Variants in CHSY1 observed in about 807,000 individuals in gnomAD.
CHSY1 encodes the protein chondroitin sulfate synthase 1, also known as N-acetylgalactosaminyl-proteoglycan 3-beta-glucuronosyltransferase 1.
A neutral mutation model predicts 59.8 loss-of-function variants in CHSY1; 13 were observed. The ratio of observed to expected loss-of-function variants is 0.22; its 90% CI spans 0.14 to 0.35. CHSY1 has a LOEUF of 0.35. Among genes scored for constraint, CHSY1 ranks in the 10% least tolerant of loss-of-function variants. The pLI, the probability that CHSY1 is intolerant of heterozygous loss-of-function variation, is 1.00. For missense variants in CHSY1, 947 were observed against 1,030.6 expected (o/e 0.92, Z 1.11); for synonymous variants, 459 against 401.2 (o/e 1.14, Z -1.72).
intron 1 of CHSY1, among the ~76,000 whole-genome samples, chr15:101,242,852 T>G (rs997224919): frequency 7.9e-5 from 12 of 152,340 alleles, no homozygotes; most frequent in African/African-American, 2.4e-4. Flanking sequence ...GTTTCCTCTT[T>G]CAAAACCTTT....
chr15:101,192,078 A>AT (rs2038452577), intron 2 of CHSY1, among the ~76,000 whole-genome samples: 1 of 152,216 alleles, frequency 6.6e-6, no homozygotes, highest in Non-Finnish European at 1.5e-5. Flanking sequence ...GAAGAGAGAA[A>AT]TATTTTTAAG....
At chr15:101,201,800 G>T (rs539426958) in intron 2 of CHSY1, among the ~76,000 whole-genome samples, 1 of 152,314 alleles carries the variant, frequency 6.6e-6, no homozygotes, top group African/African-American at 2.4e-5. Flanking sequence ...CAGATGGAAA[G>T]GAAGGCTGTT....
intron 2 of CHSY1, among the ~76,000 whole-genome samples, chr15:101,183,934 G>T (rs762781963): frequency 1.3e-5 from 2 of 152,192 alleles, no homozygotes; most frequent in African/African-American, 2.4e-5. Context: ...CTCTGGCCAG[G>T]ATGTGTTTTA....
At chr15:101,250,347 G>A (rs185111381) in intron 1 of CHSY1, among the ~76,000 whole-genome samples, 2 of 152,308 alleles carry the variant, frequency 1.3e-5, no homozygotes, top group Non-Finnish European at 2.9e-5. Context: ...ATACAAATCT[G>A]ATTCTAACCA....
chr15:101,194,357 C>T (rs933403331), intron 2 of CHSY1, among the ~76,000 whole-genome samples: 2 of 152,254 alleles, frequency 1.3e-5, no homozygotes, highest in Non-Finnish European at 2.9e-5. Context: ...CATGTGTACG[C>T]ACACATTTTA....
chr15:101,200,157 A>G (rs1033678208), intron 2 of CHSY1, among the ~76,000 whole-genome samples: 2 of 152,244 alleles, frequency 1.3e-5, no homozygotes, highest in Admixed American at 6.5e-5. Context: ...TTCTAGGTTG[A>G]ATAAGACGAA....
At chr15:101,196,174 G>A (rs1162968045) in intron 2 of CHSY1, among the ~76,000 whole-genome samples, 1 of 149,450 alleles carries the variant, frequency 6.7e-6, no homozygotes, top group African/African-American at 2.5e-5. Context: ...GAGACAGAGT[G>A]AGCCAAGATC....
intron 2 of CHSY1, among the ~76,000 whole-genome samples, chr15:101,201,376 AC>A (rs2038572740): frequency 6.6e-6 from 1 of 152,202 alleles, no homozygotes; most frequent in Admixed American, 6.5e-5. Flanking sequence ...GGCAGGAGGA[AC>A]CACCAAACGT....
At chr15:101,215,294 G>C (rs994262739) in intron 2 of CHSY1, among the ~76,000 whole-genome samples, 15 of 152,188 alleles carry the variant, frequency 9.9e-5, no homozygotes, top group Non-Finnish European at 1.8e-4. Context: ...AGGTTTTCCA[G>C]GGTATACTAT....
At chr15:101,248,537 T>C (rs1204334810) in intron 1 of CHSY1, among the ~76,000 whole-genome samples, 2 of 152,206 alleles carry the variant, frequency 1.3e-5, no homozygotes, top group African/African-American at 4.8e-5. Flanking sequence ...GGTAGGCGTT[T>C]TCCTTTCTCA....
chr15:101,221,485 CCT>C (rs2038788676), intron 2 of CHSY1, among the ~76,000 whole-genome samples: 1 of 151,982 alleles, frequency 6.6e-6, no homozygotes, highest in African/African-American at 2.4e-5. Context: ...TCTCTCTCTC[CCT>C]CTCTCTATAT....
intron 2 of CHSY1, among the ~76,000 whole-genome samples, chr15:101,193,316 G>C (rs1596434073): frequency 1.3e-5 from 2 of 152,224 alleles, no homozygotes; most frequent in Admixed American, 6.5e-5. Flanking sequence ...CATATCCTTG[G>C]GTCAGGGAAG....
intron 2 of CHSY1, among the ~76,000 whole-genome samples, chr15:101,201,847 T>C (rs192403418): frequency 1.2e-4 from 18 of 152,330 alleles, no homozygotes; most frequent in African/African-American, 4.1e-4. Context: ...CAAAGAGAAC[T>C]GGAGGCTGCC....
At chr15:101,190,901 G>C (rs906906510) in intron 2 of CHSY1, among the ~76,000 whole-genome samples, 28 of 152,174 alleles carry the variant, frequency 1.8e-4, no homozygotes, top group Non-Finnish European at 4.4e-5. Context: ...CCTAGTAGAA[G>C]GGCCGAGAGG....
chr15:101,235,107 C>T lies in CHSY1; in HGVS notation c.791G>A (p.Gly264Glu), dbSNP rs774947799. ...CTCATAAGACCAGACACACTGCACCCCTGCAAACCTCCGGACACACCTTCC... is the reference window on the plus strand; with the variant it reads ...CTCATAAGACCAGACACACTGCACCTCTGCAAACCTCCGGACACACCTTCC... ...EVGRCVRRFA[G>E]VQCVWSYEMQ... Residue 264 changes from glycine (G) to glutamate (E), a missense_variant, in exon 2 of 3, where the codon GGG (glycine) becomes GAG (glutamate). By Grantham distance (98) the Gly-to-Glu change is moderately conservative. Transcript: ENST00000254190. The T allele has an allele frequency of 6.2e-7, 1 of 1,613,982 alleles. No individual in the cohort carries two copies. Among genetic ancestry groups the T allele is most frequent in the Non-Finnish European group, 8.5e-7 (1 of 1,180,016 alleles).
chr15:101,188,341 C>T (rs1354314745), intron 2 of CHSY1: 12 of 239,580 alleles, frequency 5.0e-5, no homozygotes, highest in Admixed American at 6.5e-5. Context: ...GTAGGCTCCA[C>T]GGGTAACTTA....
At chr15:101,188,749 T>C (rs1283698047) in intron 2 of CHSY1, among the ~76,000 whole-genome samples, 1 of 152,248 alleles carries the variant, frequency 6.6e-6, no homozygotes, top group African/African-American at 2.4e-5. Flanking sequence ...ATTCAAGGCT[T>C]CTGCATAAGA....
intron 1 of CHSY1, among the ~76,000 whole-genome samples, chr15:101,248,649 G>C (rs1407416084): frequency 2.6e-5 from 4 of 152,204 alleles, no homozygotes; most frequent in Admixed American, 2.6e-4. Flanking sequence ...AATAAACAAT[G>C]AGATTAAGTC....
chr15:101,217,874 G>A (rs1354400494), intron 2 of CHSY1, among the ~76,000 whole-genome samples: 2 of 152,156 alleles, frequency 1.3e-5, no homozygotes, highest in Non-Finnish European at 2.9e-5. Context: ...ACCTTCTCCT[G>A]AAGAGCACAG....
Sources: gnomAD v4.1 joint callset for allele counts (sites outside exome capture counted in the v4.1 genomes callset) on GRCh38, gnomAD v4.1.1 for gene constraint, MANE v1.5 for transcripts, NCBI Gene and HGNC (gene_info 2026-07-23, HGNC 2026-07-21) for gene names.